SPAG16: variants seen among roughly 807,000 people sequenced by gnomAD.
SPAG16 encodes sperm-associated antigen 16 protein.
In SPAG16, 86 loss-of-function variants were observed where a neutral mutation model predicts 80.4. The ratio of observed to expected loss-of-function variants is 1.07; its 90% CI spans 0.90 to 1.28. The LOEUF is 1.28. Ranked by LOEUF, SPAG16 falls within the 50% of genes most tolerant of loss-of-function variation. SPAG16 has a pLI of 0.00. For synonymous variants in SPAG16, 294 were observed against 265.9 expected, an observed-to-expected ratio of 1.11 and a Z score of -1.03; for missense variants, 870 against 765.3, an observed-to-expected ratio of 1.14 and a Z score of -1.61.
In SPAG16 at chr2:213,822,347, T is replaced by A. The variant is rs138657812; in HGVS notation, c.1071-40138T>A. Among the ~76,000 whole-genome samples, 18 of 152,342 alleles carry A rather than the reference T, an allele frequency of 1.2e-4. No individual in the cohort carries two copies. The East Asian group carries it at 3.5e-3, about 29-fold the overall frequency. On this transcript the variant is annotated intron_variant, in intron 10 of 15. Coordinates refer to ENST00000331683, the MANE Select transcript of SPAG16 (RefSeq NM_024532.5). The stretch of plus-strand genomic sequence containing the variant: ...ATATCTTCTTTTGAGAAATGTCTAT[T>A]CAAATATTTTGCCCATTTTTTTGAG...
At chr2:213,307,618 G>A (rs1046945632) in intron 3 of SPAG16, among the ~76,000 whole-genome samples, 2 of 150,704 alleles carry the variant, frequency 1.3e-5, no homozygotes, top group Admixed American at 6.6e-5. Flanking sequence ...TTGGACATTT[G>A]GGTTGGTTCC....
In SPAG16 at chr2:213,727,537, T is replaced by G. The variant is rs905970068; in HGVS notation, c.1071-134948T>G. Reference sequence around the variant, plus strand: ...TCCATGACAGTGCCTGCACTAAGGGTACACCAAGCAAGGAGAACTGGTACA... The same window carrying G: ...TCCATGACAGTGCCTGCACTAAGGGGACACCAAGCAAGGAGAACTGGTACA... On this transcript the variant is annotated intron_variant, in intron 10 of 15. Transcript: ENST00000331683. Among the ~76,000 whole-genome samples the G allele has an allele frequency of 8.7e-4, 133 of 152,092 alleles. 1 individual carries two copies. The highest frequency in any genetic ancestry group is 1.8e-4 in the Non-Finnish European group (12 of 68,016).
chr2:213,525,763 C>A (rs1225344599), intron 10 of SPAG16, among the ~76,000 whole-genome samples: 1 of 152,014 alleles, frequency 6.6e-6, no homozygotes, highest in Non-Finnish European at 1.5e-5. Context: ...ATATCCATGT[C>A]TATGTATATC....
chr2:213,490,192 C>A lies in SPAG16; in HGVS notation c.1070+102C>A. 3 of 1,177,132 alleles carry A rather than the reference C, an allele frequency of 2.5e-6. No homozygotes were observed. In the South Asian group the frequency reaches 5.5e-5, roughly 22 times the overall value. The allele number at this position is 1,177,132 out of a possible 1,614,324, so 72.9% of individuals were successfully genotyped here. A position where few individuals can be genotyped will look rare whatever the true frequency, so the allele number is the denominator to read the frequency against. On this transcript the variant is annotated intron_variant, in intron 10 of 15. Coordinates refer to ENST00000331683, the MANE Select transcript of SPAG16 (RefSeq NM_024532.5). ...CATGGTTGAAATGGTTTGCTTTTAGCCTTTCAAAATTGCTACTCATAGCAT... is the reference window on the plus strand; with the variant it reads ...CATGGTTGAAATGGTTTGCTTTTAGACTTTCAAAATTGCTACTCATAGCAT...
chr2:214,229,100 G>A (rs2125795213), intron 15 of SPAG16, among the ~76,000 whole-genome samples: 1 of 151,284 alleles, frequency 6.6e-6, no homozygotes, highest in South Asian at 2.1e-4. Flanking sequence ...GATACAACCA[G>A]AAGCAAAACA....
chr2:213,425,516 G>C (rs1471599276), intron 9 of SPAG16, among the ~76,000 whole-genome samples: 1 of 151,986 alleles, frequency 6.6e-6, no homozygotes, highest in Non-Finnish European at 1.5e-5. Context: ...ACTGGGTGTG[G>C]TGGCATGTGC....
chr2:213,737,608 C>T (rs1197533880), intron 10 of SPAG16, among the ~76,000 whole-genome samples: 1 of 151,876 alleles, frequency 6.6e-6, no homozygotes, highest in African/African-American at 2.4e-5. Flanking sequence ...CTGCCTCAGC[C>T]TCCCGAGTAG....
chr2:213,949,617 A>G (rs1005547218), intron 12 of SPAG16, among the ~76,000 whole-genome samples: 6 of 152,224 alleles, frequency 3.9e-5, no homozygotes, highest in Non-Finnish European at 7.4e-5. Context: ...AACCTTGGTC[A>G]TCAAAGCAAA....
chr2:214,388,501 T>C (rs898564742), intron 15 of SPAG16, among the ~76,000 whole-genome samples: 72 of 152,312 alleles, frequency 4.7e-4, no homozygotes, highest in African/African-American at 1.7e-3. Flanking sequence ...ATATGTTTTA[T>C]GGGCAAATGA....
At chr2:214,367,433 A>G (rs546437949) in intron 15 of SPAG16, among the ~76,000 whole-genome samples, 1 of 152,330 alleles carries the variant, frequency 6.6e-6, no homozygotes, top group Non-Finnish European at 1.5e-5. Flanking sequence ...GAGTTTCATA[A>G]CATTAAAGAA....
intron 13 of SPAG16, among the ~76,000 whole-genome samples, chr2:214,106,753 T>C (rs2053403303): frequency 6.6e-6 from 1 of 152,142 alleles, no homozygotes; most frequent in African/African-American, 2.4e-5. Flanking sequence ...TACAAGGTAG[T>C]GAATGAGAGT....
intron 10 of SPAG16, among the ~76,000 whole-genome samples, chr2:213,800,043 A>C (rs1327689664): frequency 6.6e-6 from 1 of 151,694 alleles, no homozygotes; most frequent in Non-Finnish European, 1.5e-5. Flanking sequence ...TAGTTCACCT[A>C]TGGCTTTCTT....
intron 9 of SPAG16, among the ~76,000 whole-genome samples, chr2:213,391,292 C>T (rs2171624): frequency 0.3 from 44,857 of 152,046 alleles, 7,091 homozygotes; most frequent in African/African-American, 0.35. Context: ...ATAAATGATA[C>T]ATAATATTTT....
intron 14 of SPAG16, among the ~76,000 whole-genome samples, chr2:214,128,608 T>C (rs1409964206): frequency 6.6e-6 from 1 of 151,902 alleles, no homozygotes; most frequent in Non-Finnish European, 1.5e-5. Context: ...ATGAATTTAT[T>C]CCTGTCTTCT....
At chr2:213,999,147 C>T (rs577037020) in intron 12 of SPAG16, among the ~76,000 whole-genome samples, 1 of 152,298 alleles carries the variant, frequency 6.6e-6, no homozygotes, top group East Asian at 1.9e-4. Flanking sequence ...GAAAATGTCT[C>T]CAGGGCATGT....
At chr2:213,956,057 A>G (rs958163481) in intron 12 of SPAG16, among the ~76,000 whole-genome samples, 1 of 151,934 alleles carries the variant, frequency 6.6e-6, no homozygotes, top group African/African-American at 2.4e-5. Context: ...TCCCAGGTTC[A>G]AGCAATTCTC....
At chr2:214,249,203 TC>T (rs774133575) in intron 15 of SPAG16, among the ~76,000 whole-genome samples, 19 of 152,038 alleles carry the variant, frequency 1.2e-4, no homozygotes, top group Admixed American at 3.9e-4. Context: ...ACCAGAAAAT[TC>T]AGACAGATTG....
Position 214,014,056 on chromosome 2 carries a change from G to A in SPAG16, c.1506G>A (p.Leu502=), listed in dbSNP as rs1465247732. 6.2e-6 allele frequency: 10 copies of A among 1,612,872 alleles called. No individual in the cohort carries two copies. Among genetic ancestry groups the A allele is most frequent in the South Asian group, 5.5e-5 (5 of 90,944 alleles). ...TCACAAGCTCTGCAGACAAGACCCT[G>A]TCTATATGGGATGCAAGAACAGTAA... ...TLLTSSADKT[L]SIWDARTGIC... is the part of the protein sequence containing the mutation. Residue 502 remains leucine (L), a synonymous_variant, in exon 13 of 16, where the codon CTG becomes CTA. Transcript: ENST00000331683.
At chr2:213,784,651 A>G (rs1466148778) in intron 10 of SPAG16, among the ~76,000 whole-genome samples, 1 of 149,830 alleles carries the variant, frequency 6.7e-6, no homozygotes, top group Non-Finnish European at 1.5e-5. Flanking sequence ...AAAAAAAAAA[A>G]AAGAACTGTG....
Sources: allele counts gnomAD v4.1 joint callset (sites outside exome capture counted in the v4.1 genomes callset), GRCh38; gene constraint gnomAD v4.1.1; transcripts MANE v1.5; gene names NCBI Gene and HGNC (gene_info 2026-07-23, HGNC 2026-07-21).